Variants in DTWD2 observed in about 807,000 individuals in gnomAD.
DTWD2 encodes tRNA-uridine aminocarboxypropyltransferase 2.
In DTWD2, 39 loss-of-function variants were observed where a neutral mutation model predicts 31.8. The observed-to-expected ratio is 1.22, with a 90% CI of 0.95 to 1.60. The LOEUF (loss-of-function observed/expected upper bound fraction) is 1.60, where lower values mean the gene tolerates loss of function less well. Ranked by LOEUF, DTWD2 falls within the 40% of genes most tolerant of loss-of-function variation. DTWD2 has a pLI of 0.00. For synonymous variants in DTWD2, 180 were observed against 142.8 expected (o/e 1.26, Z -1.86); for missense variants, 515 against 381.5 (o/e 1.35, Z -2.92).
intron 4 of DTWD2, among the ~76,000 whole-genome samples, chr5:118,859,788 C>T (rs1468591747): frequency 6.6e-6 from 1 of 152,120 alleles, no homozygotes; most frequent in Non-Finnish European, 1.5e-5. Context: ...TGCCTGACTA[C>T]CACTTTTTTA....
intron 4 of DTWD2, among the ~76,000 whole-genome samples, chr5:118,914,998 G>A (rs137867146): frequency 4.3e-4 from 66 of 152,206 alleles, no homozygotes; most frequent in Admixed American, 1.2e-3. Context: ...AGGCTAAGGT[G>A]GGTGGATCAC....
intron 4 of DTWD2, among the ~76,000 whole-genome samples, chr5:118,922,650 G>A (rs1463881898): frequency 6.6e-6 from 1 of 152,088 alleles, no homozygotes; most frequent in East Asian, 1.9e-4. Flanking sequence ...CATTTATAAA[G>A]AGCACCTTGA....
At chr5:118,898,333 C>T (rs1180821305) in intron 4 of DTWD2, among the ~76,000 whole-genome samples, 1 of 152,064 alleles carries the variant, frequency 6.6e-6, no homozygotes, top group Non-Finnish European at 1.5e-5. Flanking sequence ...TACAACATTA[C>T]AATGAATCCC....
At chr5:118,869,557 CT>C (rs1176244523) in intron 4 of DTWD2, among the ~76,000 whole-genome samples, 11 of 152,258 alleles carry the variant, frequency 7.2e-5, no homozygotes, top group Admixed American at 5.2e-4. Flanking sequence ...ACAAGAGCTG[CT>C]CTCTTTATAA....
chr5:118,956,089 G>A lies in DTWD2; in HGVS notation c.219-11440C>T, dbSNP rs566843174. On this transcript the variant is annotated intron_variant, in intron 1 of 5. Coordinates refer to ENST00000510708, the MANE Select transcript of DTWD2 (RefSeq NM_173666.4). Reference sequence around the variant, plus strand: ...TGTCACAGATTTTCAATTTCCTTCCGAACAAAACTGGTAACAATAAGGCAA... The same window carrying A: ...TGTCACAGATTTTCAATTTCCTTCCAAACAAAACTGGTAACAATAAGGCAA... Among the ~76,000 whole-genome samples the A allele has an allele frequency of 5.3e-5, 8 of 152,088 alleles. No individual in the cohort carries two copies. The South Asian group carries it at 6.2e-4, about 12-fold the overall frequency.
intron 1 of DTWD2, among the ~76,000 whole-genome samples, chr5:118,945,378 A>G (rs542562098): frequency 6.6e-6 from 1 of 152,304 alleles, no homozygotes; most frequent in East Asian, 1.9e-4. Context: ...AGGGGCAACC[A>G]ATGACTGGTT....
At chr5:118,963,722 A>G (rs983588216) in intron 1 of DTWD2, among the ~76,000 whole-genome samples, 1 of 152,144 alleles carries the variant, frequency 6.6e-6, no homozygotes, top group African/African-American at 2.4e-5. Context: ...GGTACTAAAG[A>G]GTAGTTTAAA....
chr5:118,851,218 C>CAAAAAAAA (rs35541408), intron 4 of DTWD2, among the ~76,000 whole-genome samples: 3 of 81,960 alleles, frequency 3.7e-5, no homozygotes, highest in African/African-American at 5.1e-5. Context: ...GACCCTATCT[C>CAAAAAAAA]AAAAAAAAAA....
chr5:118,910,687 C>G (rs999194074), intron 4 of DTWD2, among the ~76,000 whole-genome samples: 1 of 152,226 alleles, frequency 6.6e-6, no homozygotes, highest in African/African-American at 2.4e-5. Flanking sequence ...CAGCACCCCA[C>G]TTCTCAGCAC....
chr5:118,923,615 A>G lies in DTWD2; in HGVS notation c.597+4922T>C, dbSNP rs957731247. 2.6e-5 allele frequency among the ~76,000 whole-genome samples: 4 copies of G among 152,198 alleles called. No individual in the cohort carries two copies. In the South Asian group the frequency reaches 6.2e-4, roughly 24 times the overall value. On this transcript the variant is annotated intron_variant, in intron 4 of 5. Coordinates refer to ENST00000510708, the MANE Select transcript of DTWD2 (RefSeq NM_173666.4). ...GGATCAAGGTAATACATTCTCTTTG[A>G]CCTTCAGGCACCCTCTTGGATCTCT...
chr5:118,924,752 A>G (rs1753774851), intron 4 of DTWD2, among the ~76,000 whole-genome samples: 1 of 152,236 alleles, frequency 6.6e-6, no homozygotes. Context: ...TAGAAACAGT[A>G]TACCACTGTG....
At chr5:118,887,403 A>T (rs1561442076) in intron 4 of DTWD2, among the ~76,000 whole-genome samples, 1 of 152,126 alleles carries the variant, frequency 6.6e-6, no homozygotes, top group Admixed American at 6.5e-5. Context: ...TGGGAAGGCT[A>T]AGGGTGATCA....
chr5:118,956,162 G>T (rs1754583459), intron 1 of DTWD2, among the ~76,000 whole-genome samples: 2 of 152,128 alleles, frequency 1.3e-5, no homozygotes, highest in Admixed American at 1.3e-4. Context: ...AAACATTCTG[G>T]CTATTATTTT....
At chr5:118,878,757 T>C (rs1752674038) in intron 4 of DTWD2, among the ~76,000 whole-genome samples, 2 of 151,994 alleles carry the variant, frequency 1.3e-5, no homozygotes, top group Admixed American at 6.6e-5. Flanking sequence ...TTTTTGCAAA[T>C]TATGCATCCA....
intron 1 of DTWD2, among the ~76,000 whole-genome samples, chr5:118,965,610 G>C (rs1453272258): frequency 2.0e-5 from 3 of 152,162 alleles, no homozygotes; most frequent in Non-Finnish European, 4.4e-5. Flanking sequence ...ATGCTGTTGG[G>C]GTATGGTGTA....
chr5:118,903,584 T>C (rs534692605), intron 4 of DTWD2, among the ~76,000 whole-genome samples: 4 of 152,124 alleles, frequency 2.6e-5, no homozygotes, highest in East Asian at 1.9e-4. Context: ...CCAAGCAGAA[T>C]TTTCAAGGAG....
intron 3 of DTWD2, among the ~76,000 whole-genome samples, chr5:118,929,966 C>T (rs1753887293): frequency 6.6e-6 from 1 of 152,206 alleles, no homozygotes; most frequent in Admixed American, 6.5e-5. Flanking sequence ...CTCTTCTCCC[C>T]GTCCCAAATG....
intron 5 of DTWD2, among the ~76,000 whole-genome samples, chr5:118,843,347 CAGGGAGGGAGGA>C (rs1219047462): frequency 2.0e-5 from 2 of 101,888 alleles, no homozygotes; most frequent in African/African-American, 5.3e-5. Context: ...GGGAGGGAGG[CAGGGAGGGAGGA>C]AGGGAGGAAG....
At chr5:118,980,236 T>G (rs547858413) in intron 1 of DTWD2, among the ~76,000 whole-genome samples, 23 of 152,268 alleles carry the variant, frequency 1.5e-4, no homozygotes, top group African/African-American at 5.5e-4. Flanking sequence ...TGTAAAAAAT[T>G]CAGGAACACA....
Sources: gnomAD v4.1 joint callset for allele counts (sites outside exome capture counted in the v4.1 genomes callset) on GRCh38, gnomAD v4.1.1 for gene constraint, MANE v1.5 for transcripts, NCBI Gene and HGNC (gene_info 2026-07-23, HGNC 2026-07-21) for gene names.